The following BMERB1 variants were observed in gnomAD, a reference collection of about 807,000 sequenced individuals.
The protein encoded by BMERB1 is bMERB domain containing 1.
In BMERB1, 12 loss-of-function variants were observed where a neutral mutation model predicts 23.6. The ratio of observed to expected loss-of-function variants is 0.51; its 90% CI spans 0.33 to 0.82. The LOEUF (loss-of-function observed/expected upper bound fraction) is 0.82, where lower values mean the gene tolerates loss of function less well. Among genes scored for constraint, BMERB1 ranks in the 40% least tolerant of loss-of-function variants. The pLI is 0.03. For synonymous variants in BMERB1, 122 were observed against 96.6 expected (o/e 1.26, Z -1.54); for missense variants, 247 against 255.4 (o/e 0.97, Z 0.22).
intron 1 of BMERB1, among the ~76,000 whole-genome samples, chr16:15,498,728 A>G (rs1457616889): frequency 6.6e-6 from 1 of 152,022 alleles, no homozygotes; most frequent in East Asian, 1.9e-4. Flanking sequence ...AAAGAAGGAG[A>G]AAGACTCTGA....
rs555859819 is a variant in BMERB1 at position 15,503,719 on chromosome 16, A to C, written c.107-11586A>C. The stretch of plus-strand genomic sequence containing the variant: ...GCAACTTCATGAGGCAGGAGTTATT[A>C]GTCCCATTTTACAGAAGAGGAAACT... On this transcript the variant is annotated intron_variant, in intron 1 of 5. Transcript: ENST00000300006. Among the ~76,000 whole-genome samples the C allele has an allele frequency of 1.4e-4, 21 of 152,282 alleles. 1 individual carries two copies. In the South Asian group the frequency reaches 1.9e-3, roughly 14 times the overall value.
intron 2 of BMERB1, chr16:15,533,246 G>T (rs1460686767): frequency 4.7e-6 from 1 of 211,864 alleles, no homozygotes. Flanking sequence ...TGGAAGAGGA[G>T]ACACAAGAGA....
chr16:15,564,243 C>T (rs1423794162), intron 2 of BMERB1, among the ~76,000 whole-genome samples: 1 of 152,180 alleles, frequency 6.6e-6, no homozygotes, highest in Non-Finnish European at 1.5e-5. Context: ...AGTCATTACT[C>T]AATCAAAACT....
chr16:15,479,409 G>A (rs1277714193), intron 1 of BMERB1, among the ~76,000 whole-genome samples: 3 of 152,206 alleles, frequency 2.0e-5, no homozygotes, highest in Non-Finnish European at 4.4e-5. Flanking sequence ...GAATTCTCAT[G>A]TAACAGAGTA....
chr16:15,574,844 G>A (rs1007624434), intron 3 of BMERB1, among the ~76,000 whole-genome samples: 3 of 152,244 alleles, frequency 2.0e-5, no homozygotes, highest in East Asian at 1.9e-4. Flanking sequence ...CTGGGAGGCC[G>A]AAGTGGGCAG....
At chr16:15,498,090 T>C (rs569877301) in intron 1 of BMERB1, among the ~76,000 whole-genome samples, 16 of 152,276 alleles carry the variant, frequency 1.1e-4, no homozygotes, top group African/African-American at 3.4e-4. Context: ...GAGTGTTTAA[T>C]GAAGAATCAC....
chr16:15,546,065 T>C (rs909646467), intron 2 of BMERB1, among the ~76,000 whole-genome samples: 1 of 152,078 alleles, frequency 6.6e-6, no homozygotes, highest in African/African-American at 2.4e-5. Context: ...GATGGGAGGA[T>C]TGCTTTGAGG....
chr16:15,565,348 A>G (rs931766063), intron 2 of BMERB1, among the ~76,000 whole-genome samples: 21 of 152,224 alleles, frequency 1.4e-4, no homozygotes, highest in Non-Finnish European at 2.6e-4. Flanking sequence ...TTCCTAGGAT[A>G]GTTGTCAGGA....
intron 3 of BMERB1, among the ~76,000 whole-genome samples, chr16:15,574,229 G>A (rs895497894): frequency 4.6e-5 from 7 of 152,090 alleles, no homozygotes; most frequent in African/African-American, 7.2e-5. Flanking sequence ...ATGGGAACTC[G>A]CTCACTATCA....
intron 2 of BMERB1, among the ~76,000 whole-genome samples, chr16:15,526,770 T>C (rs2051910181): frequency 6.6e-6 from 1 of 150,436 alleles, no homozygotes; most frequent in Non-Finnish European, 1.5e-5. Context: ...TGATAGTGCC[T>C]ACCTCTGAGG....
intron 1 of BMERB1, among the ~76,000 whole-genome samples, chr16:15,451,552 C>CTTTTTTTTTTT (rs35544766): frequency 8.3e-5 from 7 of 84,020 alleles, no homozygotes; most frequent in Admixed American, 1.6e-4. Context: ...CTTAGTATTT[C>CTTTTTTTTTTT]TTTTTTTTTT....
chr16:15,551,264 C>T (rs1367246246), intron 2 of BMERB1, among the ~76,000 whole-genome samples: 2 of 151,972 alleles, frequency 1.3e-5, no homozygotes, highest in African/African-American at 4.8e-5. Flanking sequence ...ACTGTGTGTA[C>T]CCTCCATGCC....
intron 1 of BMERB1, among the ~76,000 whole-genome samples, chr16:15,491,599 A>G (rs536387172): frequency 1.3e-5 from 2 of 152,204 alleles, no homozygotes; most frequent in Admixed American, 6.5e-5. Context: ...CTGTCTCTCC[A>G]TCTTGGAACA....
chr16:15,527,599 C>T (rs897471597), intron 2 of BMERB1, among the ~76,000 whole-genome samples: 6 of 151,922 alleles, frequency 3.9e-5, no homozygotes, highest in East Asian at 1.9e-4. Context: ...AGTGAGAATC[C>T]GTCTCAAAAA....
intron 3 of BMERB1, among the ~76,000 whole-genome samples, chr16:15,580,225 T>C (rs903676986): frequency 6.6e-6 from 1 of 150,534 alleles, no homozygotes; most frequent in African/African-American, 2.5e-5. Context: ...GCCTCCCAAG[T>C]AGCTGAGACT....
chr16:15,523,195 T>C (rs1293867879), intron 2 of BMERB1, among the ~76,000 whole-genome samples: 2 of 152,180 alleles, frequency 1.3e-5, no homozygotes, highest in Non-Finnish European at 2.9e-5. Context: ...GCATCTGTCA[T>C]GTGCTCTTCT....
At chr16:15,460,992 G>A (rs573596178) in intron 1 of BMERB1, among the ~76,000 whole-genome samples, 1 of 152,138 alleles carries the variant, frequency 6.6e-6, no homozygotes, top group South Asian at 2.1e-4. Flanking sequence ...AGGAGTGGTG[G>A]CACATGCCGG....
chr16:15,445,813 A>G (rs1027739765), intron 1 of BMERB1, among the ~76,000 whole-genome samples: 7 of 152,302 alleles, frequency 4.6e-5, no homozygotes, highest in Non-Finnish European at 5.9e-5. Flanking sequence ...GTCTCTACAA[A>G]TATTTGTACA....
At chr16:15,444,134 T>TTG in intron 1 of BMERB1, among the ~76,000 whole-genome samples, 1 of 117,916 alleles carries the variant, frequency 8.5e-6, no homozygotes, top group African/African-American at 3.1e-5. Flanking sequence ...TTTTTTTTTT[T>TTG]TTTTTTTTTT....
Sources: allele counts gnomAD v4.1 joint callset (sites outside exome capture counted in the v4.1 genomes callset), GRCh38; gene constraint gnomAD v4.1.1; transcripts MANE v1.5; gene names NCBI Gene and HGNC (gene_info 2026-07-23, HGNC 2026-07-21).